FBN2: variants seen among roughly 807,000 people sequenced by gnomAD.
FBN2 encodes fibrillin 2, also known as fibrillin-2.
Under a neutral mutation model 355.6 loss-of-function variants are expected in FBN2, and 105 were observed. That is an observed-to-expected ratio of 0.30 (90% CI 0.25 to 0.35). The LOEUF (loss-of-function observed/expected upper bound fraction) is 0.35. Ranked by LOEUF, FBN2 falls within the 10% of genes least tolerant of loss-of-function variation. The probability of loss-of-function intolerance (pLI) is 1.00; values close to 1 mark genes in which losing one functional copy is unlikely to be tolerated. For synonymous variants in FBN2, 1,350 were observed against 1,301.2 expected, an observed-to-expected ratio of 1.04 and a Z score of -0.81; for missense variants, 3,280 against 3,758.7, an observed-to-expected ratio of 0.87 and a Z score of 3.33.
intron 45 of FBN2, 142 bp downstream of exon 45, chr5:128,304,815 C>A: frequency 9.5e-7 from 1 of 1,057,458 alleles, no homozygotes. Flanking sequence ...TGAATCAAGA[C>A]TTAAATAGTT....
intron 6 of FBN2, 21 bp from the exon 7 acceptor site, chr5:128,446,627 G>C (rs777101349): frequency 1.2e-6 from 2 of 1,611,684 alleles, no homozygotes; most frequent in South Asian, 2.2e-5. Context: ...AAAACATTTT[G>C]AACACAGATG....
chr5:128,293,241 T>C (rs1199621122), intron 48 of FBN2, among the ~76,000 whole-genome samples: 2 of 152,128 alleles, frequency 1.3e-5, no homozygotes, highest in Non-Finnish European at 2.9e-5. Flanking sequence ...AACCATTTTT[T>C]CACACTTTGG....
chr5:128,376,975 G>T, intron 13 of FBN2, 122 bp from the exon 14 acceptor site: 1 of 1,248,908 alleles, frequency 8.0e-7, no homozygotes. Flanking sequence ...ATGGCTTTTA[G>T]TTTTTTTTAA....
intron 5 of FBN2, among the ~76,000 whole-genome samples, chr5:128,512,678 T>C (rs575550478): frequency 8.1e-4 from 124 of 152,314 alleles, no homozygotes; most frequent in Non-Finnish European, 1.5e-3. Flanking sequence ...GTATCCACTT[T>C]ATTCTAAGTC....
chr5:128,477,586 A>G (rs1256513296), intron 5 of FBN2, among the ~76,000 whole-genome samples: 8 of 152,188 alleles, frequency 5.3e-5, no homozygotes, highest in African/African-American at 1.9e-4. Context: ...TATAGCCATC[A>G]TTTTACTTAA....
chr5:128,428,286 C>A (rs1417282269), intron 7 of FBN2, among the ~76,000 whole-genome samples: 1 of 152,166 alleles, frequency 6.6e-6, no homozygotes, highest in Non-Finnish European at 1.5e-5. Context: ...TACTTCTTAA[C>A]TGAAAAGCTC....
At chr5:128,442,315 C>G in intron 7 of FBN2, 1 of 456,628 alleles carries the variant, frequency 2.2e-6, no homozygotes, top group Non-Finnish European at 4.4e-6. Context: ...AAGGTATAGT[C>G]TGGAAGGGAG....
intron 8 of FBN2, 81 bp downstream of exon 8, chr5:128,408,593 C>T (rs779398777): frequency 9.2e-5 from 138 of 1,494,728 alleles, no homozygotes; most frequent in Middle Eastern, 1.7e-4. Context: ...ATTTTATAAT[C>T]GTTGCCATCT....
chr5:128,353,157 G>T (rs867418933), intron 20 of FBN2, among the ~76,000 whole-genome samples: 1 of 150,036 alleles, frequency 6.7e-6, no homozygotes, highest in South Asian at 2.1e-4. Flanking sequence ...GACACAGTGA[G>T]ACCCTGTCTT....
intron 11 of FBN2, among the ~76,000 whole-genome samples, chr5:128,383,343 T>C (rs954768860): frequency 5.9e-5 from 9 of 152,056 alleles, no homozygotes; most frequent in African/African-American, 1.4e-4. Context: ...AAATGGATCA[T>C]AGGCCTAAAG....
At chr5:128,520,566 A>G (rs1445348396) in intron 4 of FBN2, among the ~76,000 whole-genome samples, 1 of 152,216 alleles carries the variant, frequency 6.6e-6, no homozygotes, top group African/African-American at 2.4e-5. Context: ...CTAGTAGCAC[A>G]GTAATGCTGC....
chr5:128,469,796 T>A (rs1435512310), intron 5 of FBN2, among the ~76,000 whole-genome samples: 1 of 152,210 alleles, frequency 6.6e-6, no homozygotes, highest in East Asian at 1.9e-4. Context: ...AGGATTTTAG[T>A]TCACTTATGA....
At chr5:128,429,407 C>A (rs984763040) in intron 7 of FBN2, among the ~76,000 whole-genome samples, 3 of 151,954 alleles carry the variant, frequency 2.0e-5, no homozygotes, top group Non-Finnish European at 4.4e-5. Context: ...CTAAAAAAAT[C>A]GGAAATGAAA....
At chr5:128,333,268 G>T (rs769827989) in intron 31 of FBN2, among the ~76,000 whole-genome samples, 13 of 152,122 alleles carry the variant, frequency 8.5e-5, no homozygotes, top group African/African-American at 1.2e-4. Context: ...CTTTCCAGTA[G>T]AAGAGAGAGA....
Position 128,350,960 on chromosome 5 carries a change from C to A in FBN2, c.2720G>T (p.Cys907Phe). Residue 907 changes from cysteine (C) to phenylalanine (F), a missense_variant, in exon 21 of 65, where the codon TGT becomes TTT. Transcript: ENST00000262464. ...TCWLNIQDSR[C>F]EVNINGATLK... ...AGTGGCTCCATTAATATTCACCTCA[C>A]AGCGGCTGTCCTGGATGTTGAGCCA... 6.2e-7 allele frequency: 1 copy of A among 1,614,222 alleles called. No individual in the cohort carries two copies. Among genetic ancestry groups the A allele is most frequent in the Non-Finnish European group, 8.5e-7 (1 of 1,180,038 alleles).
intron 52 of FBN2, 94 bp downstream of exon 52, chr5:128,289,033 T>TC (rs903847422): frequency 1.5e-6 from 2 of 1,302,986 alleles, no homozygotes; most frequent in Admixed American, 3.4e-5. Flanking sequence ...GATTTGTAAA[T>TC]CCCCCCATCA....
intron 25 of FBN2, 94 bp downstream of exon 25, chr5:128,344,291 C>T (rs1751107387): frequency 4.6e-6 from 6 of 1,290,334 alleles, no homozygotes; most frequent in Admixed American, 1.8e-5. Flanking sequence ...TTCATGTTCT[C>T]AATGAGAGGA....
chr5:128,384,921 A>C (rs1009027447), intron 11 of FBN2, among the ~76,000 whole-genome samples: 2 of 152,114 alleles, frequency 1.3e-5, no homozygotes, highest in African/African-American at 4.8e-5. Context: ...ACAAATAGGG[A>C]GCCTAGACAG....
chr5:128,414,723 A>G (rs540505525), intron 7 of FBN2, among the ~76,000 whole-genome samples: 13 of 152,282 alleles, frequency 8.5e-5, no homozygotes, highest in African/African-American at 3.1e-4. Flanking sequence ...TTTCCAAAGC[A>G]GCTGTAATAA....
Sources: allele counts gnomAD v4.1 joint callset (sites outside exome capture counted in the v4.1 genomes callset), GRCh38; gene constraint gnomAD v4.1.1; transcripts MANE v1.5; gene names NCBI Gene and HGNC (gene_info 2026-07-23, HGNC 2026-07-21).